CD48: variants seen among roughly 807,000 people sequenced by gnomAD.
The protein encoded by CD48 is CD48 antigen.
A neutral mutation model predicts 22.0 loss-of-function variants in CD48; 20 were observed. The ratio of observed to expected loss-of-function variants is 0.91; its 90% CI spans 0.64 to 1.32. The LOEUF (loss-of-function observed/expected upper bound fraction) is 1.32, where lower values mean the gene tolerates loss of function less well. CD48 is among the 40% of genes most tolerant of loss of function. CD48 has a pLI of 0.00. For missense variants in CD48, 307 were observed against 286.5 expected (o/e 1.07, Z -0.52); for synonymous variants, 110 against 110.1 (o/e 1.00, Z 0.01).
intron 1 of CD48, among the ~76,000 whole-genome samples, chr1:160,700,130 C>G (rs2102429950): frequency 6.6e-6 from 1 of 152,300 alleles, no homozygotes; most frequent in South Asian, 2.1e-4. Context: ...GTAGGACTTA[C>G]ATAGCCAGCA....
At chr1:160,692,538 A>G (rs928744146) in intron 1 of CD48, among the ~76,000 whole-genome samples, 1 of 152,094 alleles carries the variant, frequency 6.6e-6, no homozygotes, top group Non-Finnish European at 1.5e-5. Context: ...CACCGGCCGA[A>G]CTTCAGTATC....
intron 2 of CD48, among the ~76,000 whole-genome samples, chr1:160,682,125 A>C (rs1661828314): frequency 1.3e-5 from 2 of 152,180 alleles, no homozygotes; most frequent in Admixed American, 6.5e-5. Flanking sequence ...ATCTCATGAA[A>C]GGATGAATGA....
chr1:160,693,658 T>C (rs926412424), intron 1 of CD48, among the ~76,000 whole-genome samples: 7 of 152,234 alleles, frequency 4.6e-5, no homozygotes, highest in African/African-American at 1.2e-4. Context: ...AAGGAAAACA[T>C]TGGGCTAGTC....
At chr1:160,697,549 T>C (rs1662474572) in intron 1 of CD48, among the ~76,000 whole-genome samples, 1 of 152,290 alleles carries the variant, frequency 6.6e-6, no homozygotes, top group African/African-American at 2.4e-5. Context: ...AAGTACCTAC[T>C]GTCAGTCCTA....
chr1:160,691,824 G>A (rs986801022), intron 1 of CD48: 14 of 366,618 alleles, frequency 3.8e-5, no homozygotes, highest in South Asian at 2.6e-4. Flanking sequence ...AGGACAAGTC[G>A]ACAAGAGATC....
At chr1:160,694,558 T>C (rs1662341370) in intron 1 of CD48, among the ~76,000 whole-genome samples, 1 of 152,094 alleles carries the variant, frequency 6.6e-6, no homozygotes, top group East Asian at 1.9e-4. Context: ...TTCCTCTTAA[T>C]CTGTGGGGTC....
chr1:160,702,952 A>G (rs750763901), intron 1 of CD48, among the ~76,000 whole-genome samples: 1 of 152,194 alleles, frequency 6.6e-6, no homozygotes, highest in Non-Finnish European at 1.5e-5. Context: ...TTAGCCAAAA[A>G]ATCTGGGTAT....
At chr1:160,680,492 A>T in intron 3 of CD48, 1 of 752,306 alleles carries the variant, frequency 1.3e-6, no homozygotes, top group Non-Finnish European at 1.6e-6. Flanking sequence ...TTGTTTAGCT[A>T]GTAAGTGACA....
rs761082376 is a variant in CD48 at position 160,679,149 on chromosome 1, C to T, written c.653-18G>A. The T allele has an allele frequency of 1.2e-6, 2 of 1,607,250 alleles. No individual in the cohort carries two copies. Among genetic ancestry groups the T allele is most frequent in the South Asian group, 2.2e-5 (2 of 90,928 alleles). On this transcript the variant is annotated intron_variant, in intron 3 of 3. Transcript: ENST00000368046. ...GGACCGGGCTGAAAGAGCAAGAAAA[C>T]CCTATATGCTTAGGTATCTTTATCT...
Position 160,681,564 on chromosome 1 carries a change from T to C in CD48, c.386-96A>G, listed in dbSNP as rs931540161. ...AACAAAGGGATCCAGGGAAGGGGCC[T>C]GAATGCCCCAGGAGGCAGAGTCATG... On this transcript the variant is annotated intron_variant, in intron 2 of 3. Coordinates refer to ENST00000368046, the MANE Select transcript of CD48 (RefSeq NM_001778.4). 6 of 1,467,530 alleles carry C rather than the reference T, an allele frequency of 4.1e-6. No individual in the cohort carries two copies. The African/African-American group carries it at 8.4e-5, about 21-fold the overall frequency. 90.9% of individuals were successfully genotyped at this position (1,467,530 alleles called of 1,614,324 possible).
chr1:160,682,457 C>CAAA (rs71579678), intron 2 of CD48, among the ~76,000 whole-genome samples: 53 of 53,304 alleles, frequency 9.9e-4, no homozygotes, highest in Admixed American at 4.6e-3. Context: ...AGAAGACCTT[C>CAAA]AAAAAAAAAA....
chr1:160,710,983 G>A (rs1291982227), intron 1 of CD48, among the ~76,000 whole-genome samples: 1 of 152,192 alleles, frequency 6.6e-6, no homozygotes, highest in African/African-American at 2.4e-5. Flanking sequence ...CATAAGAAGA[G>A]AGGTACTGGA....
intron 1 of CD48, among the ~76,000 whole-genome samples, chr1:160,701,057 G>A (rs1212636843): frequency 2.6e-5 from 4 of 151,894 alleles, no homozygotes; most frequent in Admixed American, 2.6e-4. Context: ...AGATTGTAGG[G>A]CTATTTAGCA....
chr1:160,694,017 G>T (rs1272193111), intron 1 of CD48, among the ~76,000 whole-genome samples: 2 of 152,214 alleles, frequency 1.3e-5, no homozygotes, highest in African/African-American at 4.8e-5. Context: ...ATCCCCACAG[G>T]AGTATATGGC....
At chr1:160,706,202 G>A (rs1326455583) in intron 1 of CD48, among the ~76,000 whole-genome samples, 1 of 152,094 alleles carries the variant, frequency 6.6e-6, no homozygotes, top group East Asian at 1.9e-4. Flanking sequence ...AGCCTCCCAA[G>A]TAGCTAGGAT....
intron 1 of CD48, among the ~76,000 whole-genome samples, chr1:160,705,640 T>C (rs996985244): frequency 3.8e-4 from 58 of 152,214 alleles, no homozygotes; most frequent in African/African-American, 1.4e-3. Flanking sequence ...ACATTCTTTC[T>C]AGGAGTTTAA....
At chr1:160,692,808 A>G (rs9793704) in intron 1 of CD48, among the ~76,000 whole-genome samples, 43,077 of 149,662 alleles carry the variant, frequency 0.29, 4,895 homozygotes, top group Non-Finnish European at 0.37. Flanking sequence ...GCCAGATACA[A>G]GTCTTTTTAG....
At chr1:160,708,518 G>T (rs867630835) in intron 1 of CD48, among the ~76,000 whole-genome samples, 3 of 152,124 alleles carry the variant, frequency 2.0e-5, no homozygotes, top group African/African-American at 7.2e-5. Flanking sequence ...GAGATAGGTA[G>T]CATGGGGCTG....
intron 1 of CD48, among the ~76,000 whole-genome samples, chr1:160,705,892 G>A (rs1162639877): frequency 6.6e-6 from 1 of 152,108 alleles, no homozygotes; most frequent in Non-Finnish European, 1.5e-5. Context: ...AGCCAAAAAT[G>A]TATCCAGATA....
Sources: allele counts gnomAD v4.1 joint callset (sites outside exome capture counted in the v4.1 genomes callset), GRCh38; gene constraint gnomAD v4.1.1; transcripts MANE v1.5; gene names NCBI Gene and HGNC (gene_info 2026-07-23, HGNC 2026-07-21).